MALRD1: variants seen among roughly 807,000 people sequenced by gnomAD.
MALRD1 encodes MAM and LDL-receptor class A domain-containing protein 1.
A neutral mutation model predicts 242.1 loss-of-function variants in MALRD1; 247 were observed. That is an observed-to-expected ratio of 1.02 (90% CI 0.92 to 1.13). MALRD1 has a LOEUF of 1.13. Among genes scored for constraint, MALRD1 ranks in the 50% most tolerant of loss-of-function variants. MALRD1 has a pLI of 0.00. For synonymous variants in MALRD1, 995 were observed against 866.6 expected (o/e 1.15, Z -2.60); for missense variants, 2,989 against 2,533.1 (o/e 1.18, Z -3.86).
intron 24 of MALRD1, among the ~76,000 whole-genome samples, chr10:19,332,177 G>GTTTT (rs752668636): frequency 6.8e-6 from 1 of 146,484 alleles, no homozygotes; most frequent in Non-Finnish European, 1.5e-5. Context: ...AATAAATGTT[G>GTTTT]TTTTTTTTTT....
At position 19,516,517 on chromosome 10, in the gene MALRD1, G is replaced by A. The variant is rs552981389; in HGVS notation, c.5321-14677G>A. 5.7e-4 allele frequency among the ~76,000 whole-genome samples: 86 copies of A among 152,056 alleles called. 2 individuals carry two copies. Among genetic ancestry groups the A allele is most frequent in the South Asian group, 4.2e-3 (20 of 4,810 alleles). ...TAGAGTCAAATTCTTTTTCTTGTCC[G>A]TGGAACAAGATTGCTTTCCTAGATG... On this transcript the variant is annotated intron_variant, in intron 31 of 39. Coordinates refer to ENST00000454679, the MANE Select transcript of MALRD1 (RefSeq NM_001142308.3).
chr10:19,280,231 G>A lies in MALRD1; in HGVS notation c.3256+8G>A, dbSNP rs1840742092. On this transcript the variant is annotated splice_region_variant and intron_variant, in intron 20 of 39. Coordinates refer to ENST00000454679, the MANE Select transcript of MALRD1 (RefSeq NM_001142308.3). The stretch of plus-strand genomic sequence containing the variant: ...CAGATGAAGCATCCTGTGGTAGGTG[G>A]ATTCTTAAAATTTGTTTAAATACTG... 1 of 1,475,486 alleles carries A rather than the reference G, an allele frequency of 6.8e-7. No individual in the cohort carries two copies. Among genetic ancestry groups the A allele is most frequent in the Non-Finnish European group, 9.0e-7 (1 of 1,114,490 alleles). 91.4% of individuals were successfully genotyped at this position (1,475,486 alleles called of 1,614,324 possible).
intron 19 of MALRD1, among the ~76,000 whole-genome samples, chr10:19,271,045 T>C (rs1460926909): frequency 1.3e-5 from 2 of 152,102 alleles, no homozygotes; most frequent in East Asian, 1.9e-4. Flanking sequence ...TGCTGGGAAG[T>C]ATAGAATTAC....
At chr10:19,646,450 A>C (rs1840661304) in intron 36 of MALRD1, among the ~76,000 whole-genome samples, 1 of 152,258 alleles carries the variant, frequency 6.6e-6, no homozygotes, top group African/African-American at 2.4e-5. Flanking sequence ...CTAAAAATAC[A>C]AAAAATTAGC....
chr10:19,557,208 G>A (rs896411754), intron 32 of MALRD1, among the ~76,000 whole-genome samples: 1 of 151,952 alleles, frequency 6.6e-6, no homozygotes, highest in African/African-American at 2.4e-5. Context: ...TATCAGATAT[G>A]TGTTTTAGAA....
At chr10:19,182,962 T>A (rs1380861410) in intron 14 of MALRD1, among the ~76,000 whole-genome samples, 1 of 152,154 alleles carries the variant, frequency 6.6e-6, no homozygotes, top group Non-Finnish European at 1.5e-5. Context: ...TTGCTTTTAA[T>A]TCCTATAGTG....
At chr10:19,101,574 A>G (rs1055967792) in intron 4 of MALRD1, among the ~76,000 whole-genome samples, 1 of 134,686 alleles carries the variant, frequency 7.4e-6, no homozygotes, top group Non-Finnish European at 1.5e-5. Context: ...ATATTGTATT[A>G]TATATAATCT....
At chr10:19,624,679 A>G (rs1839565317) in intron 36 of MALRD1, among the ~76,000 whole-genome samples, 1 of 151,992 alleles carries the variant, frequency 6.6e-6, no homozygotes, top group Non-Finnish European at 1.5e-5. Flanking sequence ...CAGCCTGGCC[A>G]ACATAGTGAA....
chr10:19,478,161 A>G (rs911236790), intron 29 of MALRD1, among the ~76,000 whole-genome samples: 19 of 152,366 alleles, frequency 1.2e-4, no homozygotes, highest in African/African-American at 4.3e-4. Context: ...ATCACACAGT[A>G]TAGCCAATTA....
At chr10:19,228,120 CAT>C (rs139283168) in intron 18 of MALRD1, among the ~76,000 whole-genome samples, 2,355 of 152,242 alleles carry the variant, frequency 0.015, 62 homozygotes, top group African/African-American at 0.054. Context: ...TAATTAAAAA[CAT>C]ATCCGTACCA....
chr10:19,360,989 C>T (rs763313422), intron 26 of MALRD1, among the ~76,000 whole-genome samples: 3 of 151,884 alleles, frequency 2.0e-5, no homozygotes, highest in South Asian at 2.1e-4. Context: ...TAAAAGTAAG[C>T]ACCATTGCCT....
chr10:19,401,358 T>C (rs1257680723), intron 28 of MALRD1, among the ~76,000 whole-genome samples: 1 of 152,116 alleles, frequency 6.6e-6, no homozygotes, highest in African/African-American at 2.4e-5. Flanking sequence ...GGGTAACTTC[T>C]AACATAATGT....
intron 17 of MALRD1, among the ~76,000 whole-genome samples, chr10:19,206,447 A>G (rs1836789175): frequency 6.6e-6 from 1 of 152,166 alleles, no homozygotes; most frequent in Non-Finnish European, 1.5e-5. Flanking sequence ...GCAAATTTCG[A>G]AAGCCTTTTC....
intron 14 of MALRD1, among the ~76,000 whole-genome samples, chr10:19,184,475 C>T (rs11591867): frequency 0.091 from 13,921 of 152,172 alleles, 736 homozygotes; most frequent in East Asian, 0.18. Flanking sequence ...AAAATTGTTA[C>T]TCTGAATTGT....
intron 7 of MALRD1, 40 bp downstream of exon 7, chr10:19,124,710 A>C: frequency 8.1e-7 from 1 of 1,230,124 alleles, no homozygotes. Flanking sequence ...TTACTTTCAG[A>C]ATTCTGCTTT....
intron 33 of MALRD1, among the ~76,000 whole-genome samples, chr10:19,577,003 CT>C (rs892917041): frequency 8.1e-6 from 1 of 124,194 alleles, no homozygotes; most frequent in African/African-American, 3.0e-5. Context: ...AATGAGTGAT[CT>C]TTAACTTCAA....
chr10:19,331,656 T>C (rs1843378647), intron 24 of MALRD1, 74 bp downstream of exon 24: 1 of 1,225,756 alleles, frequency 8.2e-7, no homozygotes, highest in Non-Finnish European at 1.2e-6. Context: ...GTGTTTATTG[T>C]TGAAACATGC....
At chr10:19,489,107 G>A (rs2131208466) in intron 29 of MALRD1, 2 of 463,830 alleles carry the variant, frequency 4.3e-6, no homozygotes, top group East Asian at 6.9e-5. Flanking sequence ...ATGCCCAAGA[G>A]GAAGGTCAGC....
At position 19,230,011 on chromosome 10, in the gene MALRD1, A is replaced by G. The variant is rs994195108; in HGVS notation, c.2991+20331A>G. On this transcript the variant is annotated intron_variant, in intron 18 of 39. Coordinates refer to ENST00000454679, the MANE Select transcript of MALRD1 (RefSeq NM_001142308.3). Reference sequence around the variant, plus strand: ...GTTTTCCCCATACTGTTCTAGTGGTAGTGAATAAGTCTCATGAGATCTGAT... The same window carrying G: ...GTTTTCCCCATACTGTTCTAGTGGTGGTGAATAAGTCTCATGAGATCTGAT... 3.2e-4 allele frequency among the ~76,000 whole-genome samples: 48 copies of G among 152,110 alleles called. 1 individual carries two copies. Among genetic ancestry groups the G allele is most frequent in the Non-Finnish European group, 4.4e-5 (3 of 68,030 alleles).
Sources: allele counts gnomAD v4.1 joint callset (sites outside exome capture counted in the v4.1 genomes callset), GRCh38; gene constraint gnomAD v4.1.1; transcripts MANE v1.5; gene names NCBI Gene and HGNC (gene_info 2026-07-23, HGNC 2026-07-21).